ZNF493: variants seen among roughly 807,000 people sequenced by gnomAD.
ZNF493 encodes zinc finger protein 493.
A neutral mutation model predicts 12.2 loss-of-function variants in ZNF493; 11 were observed. The observed-to-expected ratio is 0.90, with a 90% CI of 0.57 to 1.50. The LOEUF (loss-of-function observed/expected upper bound fraction) is 1.50. Ranked by LOEUF, ZNF493 falls within the 40% of genes most tolerant of loss-of-function variation. The pLI is 0.00. For missense variants in ZNF493, 950 were observed against 906.6 expected (o/e 1.05, Z -0.61); for synonymous variants, 286 against 302.6 (o/e 0.95, Z 0.57).
Position 21,408,087 on chromosome 19 carries a change from A to G in ZNF493, c.253+2231A>G, listed in dbSNP as rs193107582. Reference sequence around the variant, plus strand: ...GGTCCATATTTAGTTGTCATGTTACAAGAGGCTTGGGTAGTTGTACTTCCC... The same window carrying G: ...GGTCCATATTTAGTTGTCATGTTACGAGAGGCTTGGGTAGTTGTACTTCCC... On this transcript the variant is annotated intron_variant, in intron 3 of 3. Transcript: ENST00000392288. 1,838 of 981,732 alleles carry G rather than the reference A, an allele frequency of 1.9e-3. 2 individuals carry two copies. The highest frequency in any genetic ancestry group is 2.1e-3 in the Non-Finnish European group (1,740 of 829,258). 60.8% of individuals were successfully genotyped at this position (981,732 alleles called of 1,614,324 possible).
rs1409591959 is a variant in ZNF493 at position 21,426,906 on chromosome 19, AG to A, written c.*1923del. 6.0e-6 allele frequency: 1 copy of A among 166,998 alleles called. No homozygotes were observed. Among genetic ancestry groups the A allele is most frequent in the East Asian group, 1.9e-4 (1 of 5,202 alleles). The allele number at this position is 166,998 out of a possible 1,614,324, so 10.3% of individuals were successfully genotyped here. Reference sequence around the variant, plus strand: ...ATTATTTGTATATAATGTTAAGAGGAGTAAAAGATTTTTTGTAGAATAATAA... The same window carrying A: ...ATTATTTGTATATAATGTTAAGAGGATAAAAGATTTTTTGTAGAATAATAA... On this transcript the variant is annotated 3_prime_UTR_variant, in exon 4 of 4. Coordinates refer to ENST00000392288, the MANE Select transcript of ZNF493 (RefSeq NM_001076678.3).
intron 3 of ZNF493, among the ~76,000 whole-genome samples, chr19:21,406,613 A>G (rs777971380): frequency 6.6e-6 from 1 of 152,168 alleles, no homozygotes; most frequent in Non-Finnish European, 1.5e-5. Flanking sequence ...TCTAAAATGT[A>G]TGAGGGTAGT....
chr19:21,422,993 T>C lies in ZNF493; in HGVS notation c.334T>C (p.Tyr112His). 6.2e-7 allele frequency: 1 copy of C among 1,609,802 alleles called. No homozygotes were observed. Among genetic ancestry groups the C allele is most frequent in the Non-Finnish European group, 8.5e-7 (1 of 1,178,588 alleles). ...TTTTCAAAAAGTGATACTGAGAGAA[T>C]ATGTAAAATGTGGACATAAGGATTT... ...DSFQKVILRE[Y>H]VKCGHKDLQL... is the part of the protein sequence containing the mutation. The change falls in exon 4 of 4, where the codon TAT becomes CAT. Residue 112 changes from tyrosine (Y) to histidine (H), a missense_variant. By Grantham distance (83) the Tyr-to-His change is moderately conservative. Transcript: ENST00000392288.
At chr19:21,408,503 G>C in intron 3 of ZNF493, 1 of 983,862 alleles carries the variant, frequency 1.0e-6, no homozygotes, top group East Asian at 1.1e-4. Context: ...CATATTCTCT[G>C]AAATTTTACT....
At position 21,422,886 on chromosome 19, in the gene ZNF493, G is replaced by A. The variant is rs543604359; in HGVS notation, c.254-27G>A. On this transcript the variant is annotated intron_variant, in intron 3 of 3. Coordinates refer to ENST00000392288, the MANE Select transcript of ZNF493 (RefSeq NM_001076678.3). ...TATTTATCTGAGTCTAGTAAGTGGA[G>A]TAATTTGATATTTTTATTTCTTTCA... The A allele has an allele frequency of 5.9e-6, 9 of 1,515,450 alleles. No individual in the cohort carries two copies. The South Asian group carries it at 8.3e-5, about 14-fold the overall frequency. The allele number at this position is 1,515,450 out of a possible 1,614,324, so 93.9% of individuals were successfully genotyped here.
rs2030798795 is a variant in ZNF493, at chr19:21,424,597, G to C, written c.1938G>C (p.Gly646=). The C allele has an allele frequency of 1.9e-6, 3 of 1,579,788 alleles. No homozygotes were observed. Among genetic ancestry groups the C allele is most frequent in the Non-Finnish European group, 2.6e-6 (3 of 1,166,468 alleles). ...TTAAGCGGTCCTCACACCTCGCTGG[G>C]CACAAGCAAATTCATAGTGTACAAA... The part of the protein sequence containing the change: ...KAFKRSSHLA[G]HKQIHSVQKP... The change falls in exon 4 of 4, where the codon GGG becomes GGC. Residue 646 remains glycine, a synonymous_variant. Coordinates refer to ENST00000392288, the MANE Select transcript of ZNF493 (RefSeq NM_001076678.3).
rs1349356765 is a variant in ZNF493 at position 21,424,148 on chromosome 19, G to A, written c.1489G>A (p.Ala497Thr). 4 of 1,613,016 alleles carry A rather than the reference G, an allele frequency of 2.5e-6. No homozygotes were observed. The highest frequency in any genetic ancestry group is 2.2e-5 in the East Asian group (1 of 44,776). The part of the protein sequence containing the change: ...KPYKCEECGK[A>T]FNQSSTLSIH... ...CTACAAATGTGAAGAATGTGGCAAA[G>A]CTTTTAACCAATCTTCAACCCTTAG... The change falls in exon 4 of 4, where the codon GCT (alanine) becomes ACT (threonine). Residue 497 changes from alanine (A) to threonine (T), a missense_variant. Coordinates refer to ENST00000392288, the MANE Select transcript of ZNF493 (RefSeq NM_001076678.3).
rs911505950 is a variant in ZNF493 at position 21,425,957 on chromosome 19, G to A, written c.*973G>A. Reference sequence around the variant, plus strand: ...CTACAAATGTGAAGAATGTGACAAAGCCTTTAACCAGTCCTCAATTTTTAC... The same window carrying A: ...CTACAAATGTGAAGAATGTGACAAAACCTTTAACCAGTCCTCAATTTTTAC... On this transcript the variant is annotated 3_prime_UTR_variant, in exon 4 of 4. Coordinates refer to ENST00000392288, the MANE Select transcript of ZNF493 (RefSeq NM_001076678.3). 1.3e-5 allele frequency: 9 copies of A among 682,306 alleles called. No individual in the cohort carries two copies. The highest frequency in any genetic ancestry group is 1.1e-4 in the African/African-American group (6 of 54,848). 42.3% of individuals were successfully genotyped at this position (682,306 alleles called of 1,614,324 possible). A position where few individuals can be genotyped will look rare whatever the true frequency, so the allele number is the denominator to read the frequency against.
At chr19:21,410,031 CTTT>C (rs2030268971) in intron 3 of ZNF493, among the ~76,000 whole-genome samples, 1 of 141,560 alleles carries the variant, frequency 7.1e-6, no homozygotes, top group Non-Finnish European at 1.5e-5. Context: ...ATATTTTCTT[CTTT>C]AAGACTGAAT....
chr19:21,406,874 C>G (rs886092742), intron 3 of ZNF493, among the ~76,000 whole-genome samples: 1 of 151,898 alleles, frequency 6.6e-6, no homozygotes, highest in Non-Finnish European at 1.5e-5. Flanking sequence ...CTATAGATTA[C>G]TTTGGAGAAT....
At chr19:21,413,355 A>C (rs1207937445) in intron 3 of ZNF493, 1 of 401,458 alleles carries the variant, frequency 2.5e-6, no homozygotes, top group Admixed American at 4.3e-5. Flanking sequence ...AATAAGTATA[A>C]TTGTTCTCTG....
chr19:21,423,289 C>T lies in ZNF493; in HGVS notation c.630C>T (p.Tyr210=). 2 of 1,613,786 alleles carry T rather than the reference C, an allele frequency of 1.2e-6. No individual in the cohort carries two copies. The highest frequency in any genetic ancestry group is 1.7e-4 in the Middle Eastern group (1 of 6,052). ...GAATTCATATTAGAGAGAATTCTTACCGATGTGAAGAATGTGGCAAAGCCT... is the reference window on the plus strand; with the variant it reads ...GAATTCATATTAGAGAGAATTCTTATCGATGTGAAGAATGTGGCAAAGCCT... ...HKRIHIRENS[Y]RCEECGKAFI... The change falls in exon 4 of 4, where the codon TAC becomes TAT. Residue 210 remains tyrosine (Y), a synonymous_variant. Transcript: ENST00000392288.
chr19:21,420,591 TTATATATATATATATATATA>T (rs1181856505), intron 3 of ZNF493, among the ~76,000 whole-genome samples: 1 of 10,680 alleles, frequency 9.4e-5, no homozygotes, highest in Non-Finnish European at 1.7e-4. Context: ...ACTCACTTGA[TTATATATATATATATATATA>T]TATATATATA....
At chr19:21,419,203 G>T (rs1234777230) in intron 3 of ZNF493, among the ~76,000 whole-genome samples, 3 of 152,086 alleles carry the variant, frequency 2.0e-5, no homozygotes, top group Non-Finnish European at 4.4e-5. Flanking sequence ...CCCTGAACTT[G>T]TGGATTCTGT....
intron 3 of ZNF493, among the ~76,000 whole-genome samples, chr19:21,410,726 G>A (rs989561966): frequency 6.6e-6 from 1 of 151,922 alleles, no homozygotes; most frequent in Non-Finnish European, 1.5e-5. Context: ...ATGGTGCCAA[G>A]ACTCATATTA....
At chr19:21,405,497 A>G (rs2030092328) in intron 2 of ZNF493, 1 of 1,337,908 alleles carries the variant, frequency 7.5e-7, no homozygotes, top group Non-Finnish European at 9.5e-7. Flanking sequence ...GTAATTTCAG[A>G]AATTTAGTAG....
rs868285774 is a variant in ZNF493, at chr19:21,426,892, A to G, written c.*1908A>G. On this transcript the variant is annotated 3_prime_UTR_variant, in exon 4 of 4. Transcript: ENST00000392288. ...AAGTTGGTAGAAAAATTATTTGTAT[A>G]TAATGTTAAGAGGAGTAAAAGATTT... The G allele has an allele frequency of 1.2e-5, 2 of 167,078 alleles. No individual in the cohort carries two copies. Among genetic ancestry groups the G allele is most frequent in the African/African-American group, 4.8e-5 (2 of 41,470 alleles). The allele number at this position is 167,078 out of a possible 1,614,324, so 10.3% of individuals were successfully genotyped here. A position where few individuals can be genotyped will look rare whatever the true frequency, so the allele number is the denominator to read the frequency against.
At chr19:21,405,937 C>T (rs1680229746) in intron 3 of ZNF493, 81 bp downstream of exon 3, 2 of 1,017,746 alleles carry the variant, frequency 2.0e-6, no homozygotes, top group Non-Finnish European at 1.4e-6. Context: ...AAAGCCAGTC[C>T]TGGCCGGGAG....
rs1178245221 is a variant in ZNF493, at chr19:21,424,067, T to C, written c.1408T>C (p.Phe470Leu). Residue 470 changes from phenylalanine (F) to leucine (L), a missense_variant, in exon 4 of 4, where the codon TTT becomes CTT. Phe to Leu is a conservative substitution (Grantham distance 22). Coordinates refer to ENST00000392288, the MANE Select transcript of ZNF493 (RefSeq NM_001076678.3). ...CAAATGTGAAGAATGTGGCAAAGCT[T>C]TTAAACGATCTTCAACCCTTACTAA... ...PYKCEECGKA[F>L]KRSSTLTKHR... The C allele has an allele frequency of 1.2e-6, 2 of 1,612,458 alleles. No individual in the cohort carries two copies. Among genetic ancestry groups the C allele is most frequent in the Admixed American group, 3.3e-5 (2 of 59,784 alleles).
Sources: allele counts gnomAD v4.1 joint callset (sites outside exome capture counted in the v4.1 genomes callset), GRCh38; gene constraint gnomAD v4.1.1; transcripts MANE v1.5; gene names NCBI Gene and HGNC (gene_info 2026-07-23, HGNC 2026-07-21).